The following SCRIB variants were observed in gnomAD, a reference collection of about 807,000 sequenced individuals.
SCRIB encodes protein scribble homolog.
In SCRIB, 72 loss-of-function variants were observed where a neutral mutation model predicts 170.0. The ratio of observed to expected loss-of-function variants is 0.42; its 90% CI spans 0.35 to 0.52. The LOEUF (loss-of-function observed/expected upper bound fraction) is 0.52, where lower values mean the gene tolerates loss of function less well. SCRIB is among the 20% of genes least tolerant of loss of function. The pLI, the probability that SCRIB is intolerant of heterozygous loss-of-function variation, is 0.02. For synonymous variants in SCRIB, 1,298 were observed against 1,044.3 expected, an observed-to-expected ratio of 1.24 and a Z score of -4.68; for missense variants, 2,475 against 2,338.5, an observed-to-expected ratio of 1.06 and a Z score of -1.20.
In SCRIB at chr8:143,805,128, T is replaced by C. The variant is rs782187619; in HGVS notation, c.2654A>G (p.Tyr885Cys). 1.3e-6 allele frequency: 2 copies of C among 1,592,458 alleles called. No individual in the cohort carries two copies. Among genetic ancestry groups the C allele is most frequent in the Non-Finnish European group, 1.7e-6 (2 of 1,168,716 alleles). The part of the protein sequence containing the change: ...SIAGGKGSTP[Y>C]RAGDAGIFVS... ...CAGCCTCACCGCATCACCAGCCCTG[T>C]AGGGTGTGGAGCCTTTCCCACCAGC... The change falls in exon 19 of 37, where the codon TAC (tyrosine) becomes TGC (cysteine). Residue 885 changes from tyrosine to cysteine, a missense_variant. Physicochemically the swap from Tyr to Cys is radical, Grantham distance 194 (BLOSUM62 -2). Transcript: ENST00000356994.
intron 21 of SCRIB, among the ~76,000 whole-genome samples, 177 bp downstream of exon 21, chr8:143,804,391 T>C (rs1397711424): frequency 6.6e-6 from 1 of 152,186 alleles, no homozygotes; most frequent in Non-Finnish European, 1.5e-5. Context: ...AAGGGGACCA[T>C]ACTGAGGAGT....
In SCRIB at chr8:143,815,614, G is replaced by T. The variant is rs888203493; in HGVS notation, c.-242C>A. 106 of 982,432 alleles carry T rather than the reference G, an allele frequency of 1.1e-4. No individual in the cohort carries two copies. In the African/African-American group the frequency reaches 1.7e-3, roughly 15 times the overall value. The allele number at this position is 982,432 out of a possible 1,614,324, so 60.9% of individuals were successfully genotyped here. On this transcript the variant is annotated 5_prime_UTR_variant, in exon 1 of 37. Coordinates refer to ENST00000356994, the MANE Select transcript of SCRIB (RefSeq NM_182706.5). ...GGGTCTCAGACTCTTAGGAAGCGCG[G>T]GGAGCGGCGGCGGCGGCGGCTCCGC... is the stretch of plus-strand genomic sequence containing the variant.
At position 143,810,527 on chromosome 8, in the gene SCRIB, C is replaced by T. The variant is rs757348638; in HGVS notation, c.1482G>A (p.Glu494=). 6.2e-7 allele frequency: 1 copy of T among 1,612,918 alleles called. No individual in the cohort carries two copies. The highest frequency in any genetic ancestry group is 8.5e-7 in the Non-Finnish European group (1 of 1,179,954). ...CAGAGTCTGGCTGGCAAGGGCAGGC[C>T]TCGCTCCGCCGCCCCTCGATGCTCC... ...MKRSIEGRRS[E]ACPCQPDSGS... Residue 494 remains glutamate, a synonymous_variant, in exon 13 of 37, where the codon GAG becomes GAA. Coordinates refer to ENST00000356994, the MANE Select transcript of SCRIB (RefSeq NM_182706.5).
At chr8:143,811,542 G>A (rs1815722167) in intron 9 of SCRIB, among the ~76,000 whole-genome samples, 197 bp from the exon 10 acceptor site, 1 of 152,072 alleles carries the variant, frequency 6.6e-6, no homozygotes, top group African/African-American at 2.4e-5. Context: ...CCCAAGCTCT[G>A]CCCACTGCCC....
At chr8:143,800,899 G>A (rs782567114) in intron 24 of SCRIB, among the ~76,000 whole-genome samples, 7 of 152,188 alleles carry the variant, frequency 4.6e-5, no homozygotes, top group Non-Finnish European at 8.8e-5. Context: ...ATACACGTAC[G>A]TGAAATCCCA....
At chr8:143,795,614 T>G (rs541714698) in intron 24 of SCRIB, 84 bp from the exon 25 acceptor site, 4 of 1,181,736 alleles carry the variant, frequency 3.4e-6, no homozygotes, top group Non-Finnish European at 4.9e-6. Context: ...CAGCCCAGAA[T>G]AGTCAGCAAC....
intron 26 of SCRIB, 75 bp from the exon 27 acceptor site, chr8:143,795,187 G>A (rs1475185328): frequency 7.5e-6 from 12 of 1,596,894 alleles, no homozygotes; most frequent in African/African-American, 1.3e-5. Context: ...GCAGGAGAGG[G>A]GGTCCTGGGG....
At chr8:143,803,144 T>A (rs1252227548) in intron 24 of SCRIB, among the ~76,000 whole-genome samples, 3 of 152,134 alleles carry the variant, frequency 2.0e-5, no homozygotes, top group African/African-American at 7.2e-5. Context: ...TCCGTTCACG[T>A]GCCTCGTCCT....
At chr8:143,801,682 C>CG (rs1563794856) in intron 24 of SCRIB, among the ~76,000 whole-genome samples, 1 of 152,176 alleles carries the variant, frequency 6.6e-6, no homozygotes, top group Non-Finnish European at 1.5e-5. Context: ...AGCGAGCCCC[C>CG]GGGAAGACGG....
chr8:143,804,883 G>A (rs1173456706), intron 20 of SCRIB, 51 bp downstream of exon 20: 3 of 1,528,386 alleles, frequency 2.0e-6, no homozygotes, highest in Non-Finnish European at 2.6e-6. Context: ...AGAGGGCGCG[G>A]GGCGGGGCAG....
intron 24 of SCRIB, among the ~76,000 whole-genome samples, chr8:143,798,463 G>T (rs1815035556): frequency 6.6e-6 from 1 of 152,134 alleles, no homozygotes; most frequent in Non-Finnish European, 1.5e-5. Context: ...GCTCTCAGTT[G>T]TACCAGTGGT....
In SCRIB at chr8:143,810,590, C is replaced by A. The variant is rs767522799; in HGVS notation, c.1419G>T (p.Arg473=). 1 of 1,613,608 alleles carries A rather than the reference C, an allele frequency of 6.2e-7. No homozygotes were observed. Residue 473 remains arginine, a synonymous_variant, in exon 13 of 37, where the codon CGG becomes CGT. Coordinates refer to ENST00000356994, the MANE Select transcript of SCRIB (RefSeq NM_182706.5). ...AAAEKRGLQR[R]ATPHPSELKV... Reference sequence around the variant, plus strand: ...TGAGCTCGCTGGGGTGAGGTGTGGCCCGGCGCTGTAGGCCCTGTTGTAGGG... The same window carrying A: ...TGAGCTCGCTGGGGTGAGGTGTGGCACGGCGCTGTAGGCCCTGTTGTAGGG...
At chr8:143,798,754 A>C (rs7822430) in intron 24 of SCRIB, among the ~76,000 whole-genome samples, 67,926 of 151,990 alleles carry the variant, frequency 0.45, 18,339 homozygotes, top group Non-Finnish European at 0.61. Flanking sequence ...CTCAGCCTCC[A>C]TCTGCTGCAG....
intron 24 of SCRIB, among the ~76,000 whole-genome samples, chr8:143,801,626 G>A (rs1053538607): frequency 2.6e-5 from 4 of 152,334 alleles, no homozygotes; most frequent in East Asian, 3.9e-4. Context: ...GCTGCTGGAC[G>A]GAAGCCAGGG....
intron 15 of SCRIB, among the ~76,000 whole-genome samples, chr8:143,808,064 G>A (rs1454882641): frequency 2.0e-5 from 3 of 152,228 alleles, no homozygotes; most frequent in Non-Finnish European, 2.9e-5. Flanking sequence ...GGCCCGACAA[G>A]GCAGAAAAGA....
intron 24 of SCRIB, among the ~76,000 whole-genome samples, chr8:143,801,617 C>G (rs11984483): frequency 0.98 from 149,378 of 152,322 alleles, 73,300 homozygotes; most frequent in Middle Eastern, 1. Context: ...AGCAACCAGG[C>G]TGCTGGACGG....
In SCRIB at chr8:143,795,030, G is replaced by A; in HGVS notation, c.3846+8C>T. ...GGAGGTGGGGGGCACTGCACACTGG[G>A]CACTCACCCTCTGCACGCTGCCAGC... On this transcript the variant is annotated splice_region_variant and intron_variant, in intron 27 of 36. Coordinates refer to ENST00000356994, the MANE Select transcript of SCRIB (RefSeq NM_182706.5). 1.2e-6 allele frequency: 2 copies of A among 1,608,686 alleles called. No individual in the cohort carries two copies. Among genetic ancestry groups the A allele is most frequent in the South Asian group, 1.1e-5 (1 of 90,866 alleles).
intron 24 of SCRIB, among the ~76,000 whole-genome samples, chr8:143,802,441 TG>T (rs1331801746): frequency 6.6e-6 from 1 of 152,206 alleles, no homozygotes; most frequent in African/African-American, 2.4e-5. Context: ...TGTGTGCCGG[TG>T]GGGAGTGGTG....
chr8:143,795,603 C>T, intron 24 of SCRIB, 73 bp from the exon 25 acceptor site: 1 of 1,301,448 alleles, frequency 7.7e-7, no homozygotes, highest in Non-Finnish European at 1.1e-6. Context: ...GGCTGGGGTC[C>T]CAGCCCAGAA....
Sources: gnomAD v4.1 joint callset for allele counts (sites outside exome capture counted in the v4.1 genomes callset) on GRCh38, gnomAD v4.1.1 for gene constraint, MANE v1.5 for transcripts, NCBI Gene and HGNC (gene_info 2026-07-23, HGNC 2026-07-21) for gene names.